Variants in POTEH observed in about 807,000 individuals in gnomAD.
POTEH encodes the protein ANKRD26-like family C member 3.
In POTEH, 6 loss-of-function variants were observed where a neutral mutation model predicts 41.7. The observed-to-expected ratio is 0.14, with a 90% CI of 0.08 to 0.28. The LOEUF (loss-of-function observed/expected upper bound fraction) is 0.28, where lower values mean the gene tolerates loss of function less well. Ranked by LOEUF, POTEH falls within the 10% of genes least tolerant of loss-of-function variation. The probability of loss-of-function intolerance (pLI) is 1.00; values close to 1 mark genes in which losing one functional copy is unlikely to be tolerated. For synonymous variants in POTEH, 38 were observed against 179.9 expected, an observed-to-expected ratio of 0.21 and a Z score of 6.31; for missense variants, 115 against 533.5, an observed-to-expected ratio of 0.22 and a Z score of 7.73.
intron 1 of POTEH, 128 bp downstream of exon 1, chr22:15,690,837 C>T (rs530970656): frequency 1.6e-6 from 2 of 1,232,936 alleles, no homozygotes; most frequent in African/African-American, 3.2e-5. Context: ...GATGTGGAAA[C>T]CTCAGAGAGT....
At chr22:15,691,074 C>A (rs1284777172) in intron 1 of POTEH, among the ~76,000 whole-genome samples, 1 of 143,962 alleles carries the variant, frequency 6.9e-6, no homozygotes, top group African/African-American at 2.5e-5. Context: ...CATAACACAT[C>A]AACTTCAGGG....
intron 1 of POTEH, among the ~76,000 whole-genome samples, chr22:15,691,557 C>T (rs981123748): frequency 7.4e-6 from 1 of 135,310 alleles, no homozygotes; most frequent in African/African-American, 2.6e-5. Context: ...TGAGCTTTTT[C>T]TATTTATCAC....
In POTEH at chr22:15,708,238, T is replaced by TG. The variant is rs1322557016; in HGVS notation, c.1308+155dup. The TG allele has an allele frequency of 1.0e-4, 23 of 220,472 alleles. 1 individual carries two copies. The highest frequency in any genetic ancestry group is 3.1e-4 in the African/African-American group (5 of 16,216). 13.7% of individuals were successfully genotyped at this position (220,472 alleles called of 1,614,324 possible). A position where few individuals can be genotyped will look rare whatever the true frequency, so the allele number is the denominator to read the frequency against. Reference sequence around the variant, plus strand: ...ATTCTTTTTTTAAGAATCTTTTGGCTGGGGGGGTGGCTCATGCCTGTAATC... The same window carrying TG: ...ATTCTTTTTTTAAGAATCTTTTGGCTGGGGGGGGTGGCTCATGCCTGTAATC... On this transcript the variant is annotated intron_variant, in intron 7 of 10. Transcript: ENST00000343518.
intron 8 of POTEH, among the ~76,000 whole-genome samples, chr22:15,710,467 G>A (rs1477969607): frequency 2.0e-5 from 3 of 152,130 alleles, no homozygotes. Flanking sequence ...GTAAAATCTA[G>A]GTGGTAAAGA....
chr22:15,714,518 G>A (rs1457968669), intron 9 of POTEH, among the ~76,000 whole-genome samples: 1 of 151,974 alleles, frequency 6.6e-6, no homozygotes. Context: ...CCTATCTCTA[G>A]TGCTTAAAAA....
chr22:15,693,119 G>C (rs1403055747), intron 1 of POTEH, among the ~76,000 whole-genome samples: 1 of 128,244 alleles, frequency 7.8e-6, no homozygotes, highest in African/African-American at 2.8e-5. Context: ...GCTATAGCAA[G>C]TGAGAAAAAA....
rs896405966 is a variant in POTEH, at chr22:15,697,492, T to G, written c.922-1170T>G. On this transcript the variant is annotated intron_variant, in intron 3 of 10. Transcript: ENST00000343518. The stretch of plus-strand genomic sequence containing the variant: ...CCTCAACCTCAGTTGTTTTTTTCTT[T>G]CTTTCTTTTTATTTTTATTTTTATT... 1.4e-4 allele frequency: 20 copies of G among 145,834 alleles called. 5 individuals carry two copies. Among genetic ancestry groups the G allele is most frequent in the Middle Eastern group, 4.0e-3 (2 of 504 alleles). 9.0% of individuals were successfully genotyped at this position (145,834 alleles called of 1,614,324 possible). A position where few individuals can be genotyped will look rare whatever the true frequency, so the allele number is the denominator to read the frequency against.
At chr22:15,690,807 A>G (rs200521227) in intron 1 of POTEH, 98 bp downstream of exon 1, 50,158 of 1,310,954 alleles carry the variant, frequency 0.038, 6,814 homozygotes, top group South Asian at 0.12. Flanking sequence ...TCTTGCCTCC[A>G]CAGGCCTCAC....
chr22:15,703,722 C>G (rs1380901436), intron 6 of POTEH, among the ~76,000 whole-genome samples: 1 of 150,124 alleles, frequency 6.7e-6, no homozygotes, highest in Non-Finnish European at 1.5e-5. Flanking sequence ...ATGAGGACAC[C>G]TTTAATTTAG....
At chr22:15,718,474 A>ATTTTTTT (rs1989954082) in intron 9 of POTEH, among the ~76,000 whole-genome samples, 1 of 118,586 alleles carries the variant, frequency 8.4e-6, no homozygotes, top group Non-Finnish European at 1.8e-5. Flanking sequence ...TTCATTGAGC[A>ATTTTTTT]TATTCCTAGG....
chr22:15,693,059 A>C (rs1300906151), intron 1 of POTEH, among the ~76,000 whole-genome samples: 2 of 126,802 alleles, frequency 1.6e-5, no homozygotes, highest in Non-Finnish European at 3.6e-5. Context: ...ATATGTAACT[A>C]TTGAGGGTGT....
intron 9 of POTEH, among the ~76,000 whole-genome samples, chr22:15,719,323 C>A (rs1989977283): frequency 6.6e-6 from 1 of 152,304 alleles, no homozygotes; most frequent in Non-Finnish European, 1.5e-5. Context: ...AAAGCAAGCT[C>A]AGGGCTCCCA....
intron 7 of POTEH, among the ~76,000 whole-genome samples, chr22:15,708,698 G>T (rs1053478058): frequency 2.5e-5 from 3 of 118,672 alleles, no homozygotes; most frequent in African/African-American, 7.3e-5. Context: ...CTGCCTTCTT[G>T]ATTAGCTTAT....
In POTEH at chr22:15,690,563, C is replaced by CTCTGCTATGA; in HGVS notation, c.486_487insTCTGCTATGA (p.Phe165MetfsTer27). 4 of 1,424,790 alleles carry CTCTGCTATGA rather than the reference C, an allele frequency of 2.8e-6. 1 individual carries two copies. Among genetic ancestry groups the CTCTGCTATGA allele is most frequent in the Admixed American group, 1.9e-5 (1 of 52,112 alleles). The allele number at this position is 1,424,790 out of a possible 1,614,324, so 88.3% of individuals were successfully genotyped here. On this transcript the variant is annotated frameshift_variant, in exon 1 of 11. Coordinates refer to ENST00000343518, the MANE Select transcript of POTEH (RefSeq NM_001136213.1). LOFTEE classifies it high-confidence loss of function. ...TGGGCCCTTGGGGAGACTACGACGA[C>CTCTGCTATGA]AGCGCTTTCATGGAGCCGAGGTACC...
At chr22:15,714,181 G>A (rs1201081777) in intron 9 of POTEH, among the ~76,000 whole-genome samples, 1 of 148,948 alleles carries the variant, frequency 6.7e-6, no homozygotes, top group South Asian at 2.1e-4. Context: ...ATGTCCAGAA[G>A]CCAGTCATAT....
chr22:15,711,290 G>A (rs543940708), intron 9 of POTEH, among the ~76,000 whole-genome samples: 2 of 152,088 alleles, frequency 1.3e-5, no homozygotes, highest in Non-Finnish European at 2.9e-5. Context: ...TACATGTGCA[G>A]GTTTATTATA....
chr22:15,691,870 A>T (rs200465406), intron 1 of POTEH, among the ~76,000 whole-genome samples: 2,528 of 146,578 alleles, frequency 0.017, 28 homozygotes, highest in Admixed American at 0.065. Flanking sequence ...ATTTTTGGAG[A>T]AAACTAGCTA....
chr22:15,713,310 A>G (rs1989858370), intron 9 of POTEH, among the ~76,000 whole-genome samples: 2 of 152,302 alleles, frequency 1.3e-5, no homozygotes, highest in South Asian at 4.1e-4. Context: ...TCTGTCAGCA[A>G]TATTTGAGCC....
intron 3 of POTEH, among the ~76,000 whole-genome samples, chr22:15,696,815 C>T (rs2212148): frequency 0.21 from 28,410 of 132,858 alleles, 4,458 homozygotes; most frequent in East Asian, 0.28. Flanking sequence ...CTCTCCTACT[C>T]TTTACTCTTT....
Sources: allele counts gnomAD v4.1 joint callset (sites outside exome capture counted in the v4.1 genomes callset), GRCh38; gene constraint gnomAD v4.1.1; transcripts MANE v1.5; gene names NCBI Gene and HGNC (gene_info 2026-07-23, HGNC 2026-07-21).